CALCR: variants seen among roughly 807,000 people sequenced by gnomAD.
The protein encoded by CALCR is calcitonin receptor.
A neutral mutation model predicts 59.5 loss-of-function variants in CALCR; 47 were observed. The observed-to-expected ratio is 0.79, with a 90% CI of 0.63 to 1.01. The LOEUF (loss-of-function observed/expected upper bound fraction) is 1.01. Among genes scored for constraint, CALCR ranks in the 50% least tolerant of loss-of-function variants. The probability of loss-of-function intolerance (pLI) is 0.00; values close to 1 mark genes in which losing one functional copy is unlikely to be tolerated. For missense variants in CALCR, 566 were observed against 597.1 expected (o/e 0.95, Z 0.54); for synonymous variants, 213 against 211.3 (o/e 1.01, Z -0.07).
chr7:93,508,306 C>A (rs1229320341), intron 2 of CALCR, among the ~76,000 whole-genome samples: 2 of 152,062 alleles, frequency 1.3e-5, no homozygotes, highest in Non-Finnish European at 2.9e-5. Context: ...TGAATCAAAG[C>A]AAAAAGTAGT....
chr7:93,524,565 G>A (rs1029334732), intron 2 of CALCR, among the ~76,000 whole-genome samples: 1 of 151,772 alleles, frequency 6.6e-6, no homozygotes, highest in Non-Finnish European at 1.5e-5. Flanking sequence ...TTTATTATTA[G>A]CTTAATTTCT....
At chr7:93,550,640 C>CACACACACAA (rs546932316) in intron 2 of CALCR, among the ~76,000 whole-genome samples, 1 of 146,758 alleles carries the variant, frequency 6.8e-6, no homozygotes, top group Non-Finnish European at 1.5e-5. Flanking sequence ...CACACACACA[C>CACACACACAA]GAGAGACAGA....
chr7:93,451,680 ACT>A (rs1258206601), intron 8 of CALCR, among the ~76,000 whole-genome samples: 1 of 151,756 alleles, frequency 6.6e-6, no homozygotes, highest in Non-Finnish European at 1.5e-5. Flanking sequence ...ATAATTTGAG[ACT>A]CTGATTCAGA....
intron 2 of CALCR, among the ~76,000 whole-genome samples, chr7:93,537,781 T>C (rs1324888150): frequency 1.3e-5 from 2 of 151,734 alleles, no homozygotes; most frequent in African/African-American, 4.8e-5. Flanking sequence ...AAAGTCAACA[T>C]TTTAATTTCC....
intron 3 of CALCR, among the ~76,000 whole-genome samples, chr7:93,483,523 T>C (rs1473718220): frequency 6.7e-6 from 1 of 150,002 alleles, no homozygotes; most frequent in Non-Finnish European, 1.5e-5. Flanking sequence ...ATATTATATA[T>C]ATATAATTAC....
At chr7:93,483,992 G>T (rs765001549) in intron 3 of CALCR, 1 of 520,794 alleles carries the variant, frequency 1.9e-6, no homozygotes, top group Non-Finnish European at 4.0e-6. Context: ...AGTAAATGGC[G>T]TCACACATAC....
At chr7:93,518,192 TA>T (rs1426088996) in intron 2 of CALCR, among the ~76,000 whole-genome samples, 1 of 151,470 alleles carries the variant, frequency 6.6e-6, no homozygotes, top group East Asian at 1.9e-4. Flanking sequence ...GATAGGAATT[TA>T]AAATTTATTT....
chr7:93,513,524 G>T (rs1801592392), intron 2 of CALCR, among the ~76,000 whole-genome samples: 1 of 151,994 alleles, frequency 6.6e-6, no homozygotes, highest in African/African-American at 2.4e-5. Context: ...ATTATAAAAT[G>T]TAATGTTTTC....
chr7:93,443,038 A>C (rs1197143998), intron 9 of CALCR, among the ~76,000 whole-genome samples: 1 of 152,050 alleles, frequency 6.6e-6, no homozygotes, highest in Non-Finnish European at 1.5e-5. Flanking sequence ...TAAACAATCC[A>C]GCCCTAAGCT....
At chr7:93,455,292 CTTTA>C (rs971824221) in intron 8 of CALCR, among the ~76,000 whole-genome samples, 48 of 152,010 alleles carry the variant, frequency 3.2e-4, no homozygotes, top group African/African-American at 1.2e-3. Flanking sequence ...ATACGCTTTT[CTTTA>C]TTTATAACTG....
At chr7:93,458,780 A>G (rs1170103181) in intron 8 of CALCR, among the ~76,000 whole-genome samples, 1 of 152,134 alleles carries the variant, frequency 6.6e-6, no homozygotes. Context: ...GGGTGATAAT[A>G]GTCCCTACTG....
At chr7:93,476,096 A>G (rs1409177579) in intron 5 of CALCR, among the ~76,000 whole-genome samples, 1 of 150,868 alleles carries the variant, frequency 6.6e-6, no homozygotes, top group Non-Finnish European at 1.5e-5. Flanking sequence ...TTTTTTTTTC[A>G]TTTTGTGAAA....
At chr7:93,474,171 T>C (rs1800616047) in intron 5 of CALCR, among the ~76,000 whole-genome samples, 1 of 151,734 alleles carries the variant, frequency 6.6e-6, no homozygotes, top group South Asian at 2.1e-4. Flanking sequence ...TCTGAGATTC[T>C]GGGTAAAGTG....
At chr7:93,456,869 C>T (rs990983902) in intron 8 of CALCR, among the ~76,000 whole-genome samples, 11 of 152,114 alleles carry the variant, frequency 7.2e-5, no homozygotes, top group Non-Finnish European at 7.3e-5. Flanking sequence ...AAGAAAGTTT[C>T]CTGTTAATTT....
chr7:93,477,768 C>T (rs1001076036), intron 4 of CALCR, 100 bp from the exon 5 acceptor site: 2 of 688,720 alleles, frequency 2.9e-6, no homozygotes, highest in Admixed American at 2.3e-5. Flanking sequence ...GCTCACTACA[C>T]CAGTCATAAC....
intron 5 of CALCR, 144 bp from the exon 6 acceptor site, chr7:93,472,631 A>T (rs1286232235): frequency 9.9e-6 from 6 of 603,434 alleles, no homozygotes; most frequent in Non-Finnish European, 1.8e-5. Flanking sequence ...GACTATCACA[A>T]ATCATGTATT....
In CALCR at chr7:93,546,717, T is replaced by C. The variant is rs1342962733; in HGVS notation, c.-27+27572A>G. Among the ~76,000 whole-genome samples, 4 of 142,794 alleles carry C rather than the reference T, an allele frequency of 2.8e-5. No individual in the cohort carries two copies. In the East Asian group the frequency reaches 8.1e-4, roughly 29 times the overall value. 93.7% of individuals were successfully genotyped at this position (142,794 alleles called of 152,430 possible). On this transcript the variant is annotated intron_variant, in intron 2 of 13. Coordinates refer to ENST00000426151, the MANE Select transcript of CALCR (RefSeq NM_001742.4). ...ACAGGCACGCATGACCACACTTGGA[T>C]AATTTTTGTATTTTTTTTTTTTTGG...
At chr7:93,452,501 G>C (rs1800130480) in intron 8 of CALCR, among the ~76,000 whole-genome samples, 1 of 151,988 alleles carries the variant, frequency 6.6e-6, no homozygotes, top group African/African-American at 2.4e-5. Flanking sequence ...AAGTCTAGCA[G>C]TAAGCAGCTT....
intron 2 of CALCR, among the ~76,000 whole-genome samples, chr7:93,562,395 C>T (rs1376441155): frequency 6.7e-6 from 1 of 150,056 alleles, no homozygotes; most frequent in African/African-American, 2.5e-5. Context: ...CTCTACTTAA[C>T]AAGTATTATA....
Sources: allele counts gnomAD v4.1 joint callset (sites outside exome capture counted in the v4.1 genomes callset), GRCh38; gene constraint gnomAD v4.1.1; transcripts MANE v1.5; gene names NCBI Gene and HGNC (gene_info 2026-07-23, HGNC 2026-07-21).